Variants in PREX2 observed in about 807,000 individuals in gnomAD.
PREX2 encodes the protein phosphatidylinositol-3,4,5-trisphosphate dependent Rac exchange factor 2, also known as phosphatidylinositol 3,4,5-trisphosphate-dependent Rac exchanger 2 protein.
Under a neutral mutation model 203.2 loss-of-function variants are expected in PREX2, and 107 were observed. The ratio of observed to expected loss-of-function variants is 0.53; its 90% CI spans 0.45 to 0.62. The LOEUF (loss-of-function observed/expected upper bound fraction) is 0.62. Ranked by LOEUF, PREX2 falls within the 20% of genes least tolerant of loss-of-function variation. PREX2 has a pLI of 0.00. For synonymous variants in PREX2, 672 were observed against 663.6 expected (o/e 1.01, Z -0.19); for missense variants, 1,777 against 1,955.9 (o/e 0.91, Z 1.72).
At chr8:68,112,433 A>T (rs191456233) in intron 25 of PREX2, among the ~76,000 whole-genome samples, 46 of 152,056 alleles carry the variant, frequency 3.0e-4, no homozygotes, top group African/African-American at 1.0e-3. Flanking sequence ...ACGCCTCAGG[A>T]TTGAGTGGTG....
intron 33 of PREX2, among the ~76,000 whole-genome samples, chr8:68,144,002 A>G (rs1202567240): frequency 6.6e-6 from 1 of 152,078 alleles, no homozygotes; most frequent in Non-Finnish European, 1.5e-5. Flanking sequence ...TTGACTATAT[A>G]TATGTTGGAC....
chr8:68,189,419 C>G (rs1303650609), intron 35 of PREX2, among the ~76,000 whole-genome samples: 5 of 152,172 alleles, frequency 3.3e-5, no homozygotes, highest in African/African-American at 1.2e-4. Context: ...TGCCCCATTG[C>G]ATGTTCCTCA....
At chr8:68,018,560 A>G (rs1331103904) in intron 2 of PREX2, among the ~76,000 whole-genome samples, 1 of 152,214 alleles carries the variant, frequency 6.6e-6, no homozygotes, top group Non-Finnish European at 1.5e-5. Flanking sequence ...GAGGATTGTT[A>G]GAGGTGGCTC....
intron 35 of PREX2, among the ~76,000 whole-genome samples, chr8:68,172,660 G>T (rs1044535416): frequency 4.6e-5 from 7 of 152,144 alleles, no homozygotes; most frequent in African/African-American, 1.2e-4. Context: ...TCTGAAAGAG[G>T]AGTTAAGGTT....
At position 68,165,076 on chromosome 8, in the gene PREX2, T is replaced by C. The variant is rs1191134132; in HGVS notation, c.4346+7640T>C. On this transcript the variant is annotated intron_variant, in intron 35 of 39. Coordinates refer to ENST00000288368, the MANE Select transcript of PREX2 (RefSeq NM_024870.4). The stretch of plus-strand genomic sequence containing the variant: ...TTACTTTTGCCTTTTTTTTTTTTGG[T>C]TTTTAAATCTTGCTGGGTATTCAAA... 2.6e-5 allele frequency among the ~76,000 whole-genome samples: 4 copies of C among 151,142 alleles called. No homozygotes were observed. The East Asian group carries it at 5.8e-4, about 22-fold the overall frequency.
chr8:68,166,404 A>T (rs1223009984), intron 35 of PREX2, among the ~76,000 whole-genome samples: 1 of 152,196 alleles, frequency 6.6e-6, no homozygotes, highest in Non-Finnish European at 1.5e-5. Flanking sequence ...CAAAATTAAT[A>T]TAAGTAGAGA....
chr8:67,952,295 G>A lies in PREX2; in HGVS notation c.-100G>A. ...GTCTCTCCTCGGAGTTGGCGGAGGC[G>A]GCAACTTTCCATTCTCGCCGCCGGG... On this transcript the variant is annotated 5_prime_UTR_variant, in exon 1 of 40. Transcript: ENST00000288368. The A allele has an allele frequency of 3.8e-6, 4 of 1,057,352 alleles. No individual in the cohort carries two copies. The highest frequency in any genetic ancestry group is 4.9e-6 in the Non-Finnish European group (4 of 813,248). The allele number at this position is 1,057,352 out of a possible 1,614,324, so 65.5% of individuals were successfully genotyped here.
At chr8:67,967,303 T>C (rs1805804460) in intron 1 of PREX2, among the ~76,000 whole-genome samples, 1 of 152,230 alleles carries the variant, frequency 6.6e-6, no homozygotes, top group Non-Finnish European at 1.5e-5. Flanking sequence ...GACTTAAGGC[T>C]TTAACTAGTG....
chr8:68,192,215 A>T, intron 36 of PREX2, 120 bp from the exon 37 acceptor site: 2 of 718,164 alleles, frequency 2.8e-6, no homozygotes, highest in South Asian at 4.1e-5. Context: ...AGTAGTCTCT[A>T]ATTCCATTAC....
chr8:68,191,077 A>G (rs769933989), intron 35 of PREX2, among the ~76,000 whole-genome samples: 2 of 152,108 alleles, frequency 1.3e-5, no homozygotes, highest in East Asian at 3.9e-4. Context: ...TTTTTTGCAC[A>G]AAGTGTATTA....
intron 37 of PREX2, among the ~76,000 whole-genome samples, chr8:68,200,130 T>C (rs1462217828): frequency 2.6e-5 from 4 of 152,164 alleles, no homozygotes. Flanking sequence ...TTTATATCAC[T>C]AGAGAGATGG....
intron 24 of PREX2, among the ~76,000 whole-genome samples, chr8:68,108,581 T>C (rs1206219356): frequency 2.0e-5 from 3 of 152,326 alleles, no homozygotes; most frequent in East Asian, 3.9e-4. Flanking sequence ...ATGCATATGA[T>C]AGGCACAGCT....
chr8:68,003,684 C>G (rs1045348945), intron 1 of PREX2, among the ~76,000 whole-genome samples: 1 of 152,056 alleles, frequency 6.6e-6, no homozygotes, highest in African/African-American at 2.4e-5. Flanking sequence ...AAAGTCAGTA[C>G]CATTAGCCGA....
chr8:68,224,575 A>G lies in PREX2; in HGVS notation c.4724A>G (p.Asn1575Ser). 6.2e-7 allele frequency: 1 copy of G among 1,613,914 alleles called. No individual in the cohort carries two copies. The highest frequency in any genetic ancestry group is 8.5e-7 in the Non-Finnish European group (1 of 1,179,896). ...GACTTTCAGGGAGCAAGAGTTCAGA[A>G]CACAGCGAAGAATTTGGGAGTCAGA... ...VMRKQGARVQ[N>S]TAKNLGVRDR... Residue 1575 changes from asparagine (N) to serine (S), a missense_variant, in exon 39 of 40, where the codon AAC (asparagine) becomes AGC (serine). Transcript: ENST00000288368.
At chr8:68,187,076 C>G (rs999237770) in intron 35 of PREX2, among the ~76,000 whole-genome samples, 18 of 150,398 alleles carry the variant, frequency 1.2e-4, no homozygotes, top group African/African-American at 4.5e-4. Context: ...GAACAGAGTG[C>G]TCCATGCAAC....
At chr8:68,135,419 G>T (rs979289792) in intron 32 of PREX2, among the ~76,000 whole-genome samples, 1 of 151,922 alleles carries the variant, frequency 6.6e-6, no homozygotes, top group Non-Finnish European at 1.5e-5. Context: ...AGTAGACAAA[G>T]GATTTGAATA....
chr8:68,167,019 A>T (rs1811773844), intron 35 of PREX2, among the ~76,000 whole-genome samples: 1 of 152,212 alleles, frequency 6.6e-6, no homozygotes, highest in African/African-American at 2.4e-5. Flanking sequence ...GAGAACTTGT[A>T]GCTCTGAGAA....
intron 10 of PREX2, among the ~76,000 whole-genome samples, chr8:68,057,141 A>G (rs1390959477): frequency 6.6e-6 from 1 of 152,082 alleles, no homozygotes; most frequent in Admixed American, 6.5e-5. Flanking sequence ...TGGTCTCATG[A>G]TGGTGAGTGA....
chr8:68,034,381 T>G (rs940086085), intron 6 of PREX2, among the ~76,000 whole-genome samples: 2 of 152,122 alleles, frequency 1.3e-5, no homozygotes, highest in Non-Finnish European at 2.9e-5. Flanking sequence ...GTTGGCTGAT[T>G]GATTATGTTG....
Sources: allele counts gnomAD v4.1 joint callset (sites outside exome capture counted in the v4.1 genomes callset), GRCh38; gene constraint gnomAD v4.1.1; transcripts MANE v1.5; gene names NCBI Gene and HGNC (gene_info 2026-07-23, HGNC 2026-07-21).